Variants in SNX29 observed in about 807,000 individuals in gnomAD.
SNX29 encodes the protein sorting nexin-29.
Under a neutral mutation model 102.1 loss-of-function variants are expected in SNX29, and 78 were observed. The observed-to-expected ratio is 0.76, with a 90% confidence interval of 0.64 to 0.92. SNX29 has a LOEUF of 0.92. Among genes scored for constraint, SNX29 ranks in the 40% least tolerant of loss-of-function variants. The pLI, the probability that SNX29 is intolerant of heterozygous loss-of-function variation, is 0.00. For missense variants in SNX29, 1,280 were observed against 1,061.7 expected, an observed-to-expected ratio of 1.21 and a Z score of -2.86; for synonymous variants, 580 against 414.5, an observed-to-expected ratio of 1.40 and a Z score of -4.85.
intron 15 of SNX29, among the ~76,000 whole-genome samples, chr16:12,347,914 C>CAA (rs386384275): frequency 0.064 from 7,802 of 120,998 alleles, 352 homozygotes; most frequent in African/African-American, 0.13. Context: ...CCTGTCTTTA[C>CAA]AAAAAAAAAA....
intron 14 of SNX29, among the ~76,000 whole-genome samples, chr16:12,200,435 C>T (rs1267218704): frequency 2.6e-5 from 4 of 151,722 alleles, no homozygotes; most frequent in African/African-American, 4.8e-5. Context: ...AAGACAAGCT[C>T]ATAGAGTGTG....
At chr16:12,364,212 TGTTA>T (rs911258523) in intron 16 of SNX29, among the ~76,000 whole-genome samples, 2 of 149,958 alleles carry the variant, frequency 1.3e-5, no homozygotes, top group Non-Finnish European at 3.0e-5. Context: ...TGTTATGTTA[TGTTA>T]TTTTTGTAGA....
At chr16:11,995,814 C>T (rs1404550381) in intron 1 of SNX29, among the ~76,000 whole-genome samples, 1 of 152,046 alleles carries the variant, frequency 6.6e-6, no homozygotes, top group East Asian at 1.9e-4. Context: ...GTAATCCCAG[C>T]ACTTTGGGAG....
At chr16:12,470,396 G>T (rs2087278449) in intron 18 of SNX29, among the ~76,000 whole-genome samples, 1 of 152,190 alleles carries the variant, frequency 6.6e-6, no homozygotes, top group African/African-American at 2.4e-5. Context: ...GCAGGGGTTT[G>T]TAACATCCAT....
In SNX29 at chr16:12,222,555, T is replaced by C. The variant is rs78492737; in HGVS notation, c.1678+22872T>C. 1.5e-3 allele frequency among the ~76,000 whole-genome samples: 233 copies of C among 152,202 alleles called. 5 individuals carry two copies. In the East Asian group the frequency reaches 0.041, roughly 27 times the overall value. ...GGCTACTTCATATCTGGGTGAAGCT[T>C]CACAGTTTGCAGAGTGCTGTCTTTT... On this transcript the variant is annotated intron_variant, in intron 14 of 20. Transcript: ENST00000566228.
intron 1 of SNX29, among the ~76,000 whole-genome samples, chr16:11,997,734 C>T (rs2056137869): frequency 6.6e-6 from 1 of 152,174 alleles, no homozygotes; most frequent in Non-Finnish European, 1.5e-5. Context: ...CTGCCTCAGC[C>T]TTCCAAAGTG....
At chr16:12,503,763 C>A (rs9635498) in intron 19 of SNX29, among the ~76,000 whole-genome samples, 1 of 152,010 alleles carries the variant, frequency 6.6e-6, no homozygotes, top group Non-Finnish European at 1.5e-5. Context: ...TCTGGCAGGC[C>A]CAGACTTATT....
intron 18 of SNX29, among the ~76,000 whole-genome samples, chr16:12,419,459 T>C (rs2084781239): frequency 2.0e-5 from 3 of 152,032 alleles, no homozygotes; most frequent in Admixed American, 2.0e-4. Context: ...GAGGAGGAAA[T>C]CCAGCTCAGA....
intron 3 of SNX29, among the ~76,000 whole-genome samples, chr16:12,005,981 T>G (rs2056438118): frequency 6.6e-6 from 1 of 152,168 alleles, no homozygotes; most frequent in African/African-American, 2.4e-5. Context: ...ATAGTAGAAT[T>G]TAAAAAGTTA....
At chr16:12,014,551 A>T (rs1172406639) in intron 3 of SNX29, among the ~76,000 whole-genome samples, 1 of 151,958 alleles carries the variant, frequency 6.6e-6, no homozygotes, top group African/African-American at 2.4e-5. Flanking sequence ...TGACCAACAT[A>T]GAGAAACCCT....
intron 14 of SNX29, among the ~76,000 whole-genome samples, chr16:12,241,311 C>T (rs2078097680): frequency 1.3e-5 from 2 of 152,010 alleles, no homozygotes; most frequent in Non-Finnish European, 2.9e-5. Flanking sequence ...AGCAAGAAGC[C>T]CTGAAAATCA....
At chr16:12,019,480 C>A (rs1284998552) in intron 3 of SNX29, among the ~76,000 whole-genome samples, 1 of 151,984 alleles carries the variant, frequency 6.6e-6, no homozygotes, top group African/African-American at 2.4e-5. Context: ...GCTGGGATTA[C>A]AAGAGTGAGC....
intron 15 of SNX29, among the ~76,000 whole-genome samples, chr16:12,305,427 T>C (rs2080308561): frequency 6.6e-6 from 1 of 152,196 alleles, no homozygotes; most frequent in South Asian, 2.1e-4. Context: ...CTAGGCATTT[T>C]AGCTGCCAGT....
At chr16:12,355,868 AAAAAAAAAG>A (rs2082118905) in intron 15 of SNX29, among the ~76,000 whole-genome samples, 1 of 136,962 alleles carries the variant, frequency 7.3e-6, no homozygotes, top group African/African-American at 3.0e-5. Flanking sequence ...AAAAAAAAAA[AAAAAAAAAG>A]AGAGAGGAAA....
intron 3 of SNX29, among the ~76,000 whole-genome samples, chr16:12,004,138 G>A (rs2056380513): frequency 6.6e-6 from 1 of 151,822 alleles, no homozygotes; most frequent in South Asian, 2.1e-4. Context: ...TCAGGAGTTC[G>A]AGTCCAGCCT....
chr16:12,205,414 C>G (rs569912546), intron 14 of SNX29, among the ~76,000 whole-genome samples: 3 of 152,304 alleles, frequency 2.0e-5, no homozygotes, highest in African/African-American at 7.2e-5. Flanking sequence ...TTTTCCAGTC[C>G]TGACTTTTTG....
At chr16:12,423,818 A>C (rs144823446) in intron 18 of SNX29, among the ~76,000 whole-genome samples, 95 of 152,316 alleles carry the variant, frequency 6.2e-4, no homozygotes, top group African/African-American at 2.0e-3. Context: ...GTGATCCACC[A>C]GCCTCAGCTT....
intron 20 of SNX29, among the ~76,000 whole-genome samples, chr16:12,535,359 C>T (rs116893596): frequency 1.3e-5 from 2 of 152,198 alleles, no homozygotes; most frequent in African/African-American, 4.8e-5. Flanking sequence ...TGGTCTCGAA[C>T]TCCTGGCCTC....
intron 14 of SNX29, among the ~76,000 whole-genome samples, chr16:12,249,773 A>G (rs968310090): frequency 9.2e-5 from 14 of 152,252 alleles, no homozygotes; most frequent in African/African-American, 3.1e-4. Flanking sequence ...CTTGGTGCAT[A>G]GGGAACACTG....
Sources: allele counts gnomAD v4.1 joint callset (sites outside exome capture counted in the v4.1 genomes callset), GRCh38; gene constraint gnomAD v4.1.1; transcripts MANE v1.5; gene names NCBI Gene and HGNC (gene_info 2026-07-23, HGNC 2026-07-21).